VRK2: variants seen among roughly 807,000 people sequenced by gnomAD.
The protein encoded by VRK2 is VRK serine/threonine kinase 2.
Under a neutral mutation model 57.6 loss-of-function variants are expected in VRK2, and 60 were observed. The ratio of observed to expected loss-of-function variants is 1.04; its 90% CI spans 0.85 to 1.29. VRK2 has a LOEUF of 1.29. VRK2 is among the 50% of genes most tolerant of loss of function. The probability of loss-of-function intolerance (pLI) is 0.00; values close to 1 mark genes in which losing one functional copy is unlikely to be tolerated. For missense variants in VRK2, 705 were observed against 588.1 expected (o/e 1.20, Z -2.06); for synonymous variants, 231 against 199.2 (o/e 1.16, Z -1.35).
intron 2 of VRK2, among the ~76,000 whole-genome samples, chr2:58,032,808 G>C (rs1041757059): frequency 6.6e-6 from 1 of 152,082 alleles, no homozygotes; most frequent in Non-Finnish European, 1.5e-5. Context: ...GACATGCATA[G>C]TTGAGATTCT....
chr2:58,114,494 C>T (rs534429420), intron 7 of VRK2, among the ~76,000 whole-genome samples: 6 of 152,126 alleles, frequency 3.9e-5, no homozygotes, highest in African/African-American at 9.7e-5. Context: ...TAAAAAGGAG[C>T]GTCTATACAG....
At chr2:58,152,032 A>G (rs1054934854) in intron 12 of VRK2, among the ~76,000 whole-genome samples, 5 of 151,752 alleles carry the variant, frequency 3.3e-5, no homozygotes, top group Admixed American at 2.6e-4. Flanking sequence ...TAACAGAAAT[A>G]TAATGCAAGC....
intron 1 of VRK2, among the ~76,000 whole-genome samples, chr2:57,986,735 A>C (rs772499513): frequency 2.0e-4 from 31 of 151,488 alleles, no homozygotes; most frequent in Admixed American, 4.0e-4. Context: ...AGCAGCTGGG[A>C]TTACAGGTGC....
chr2:58,144,728 C>T (rs908426687), intron 11 of VRK2, among the ~76,000 whole-genome samples: 1 of 151,892 alleles, frequency 6.6e-6, no homozygotes, highest in African/African-American at 2.4e-5. Flanking sequence ...CATAAATTTT[C>T]CCAGTAGTTT....
At position 57,952,621 on chromosome 2, in the gene VRK2, C is replaced by T. The variant is rs182653577; in HGVS notation, c.-439+44782C>T. On this transcript the variant is annotated intron_variant, in intron 1 of 15. Coordinates refer to the VRK2 transcript ENST00000417641. ...ATTGTTCATAAAGCAAGGATACACA[C>T]ATAAAAGTGAATTAAAGTAACATTT... Among the ~76,000 whole-genome samples, 274 of 152,090 alleles carry T rather than the reference C, an allele frequency of 1.8e-3. 3 individuals carry two copies. Among genetic ancestry groups the T allele is most frequent in the African/African-American group, 6.2e-3 (257 of 41,478 alleles).
rs370020273 is a variant in VRK2 at position 58,092,629 on chromosome 2, T to C, written c.543+2906T>C. 3.2e-4 allele frequency among the ~76,000 whole-genome samples: 49 copies of C among 152,300 alleles called. No homozygotes were observed. The South Asian group carries it at 9.5e-3, about 30-fold the overall frequency. ...GTGACTGTACCATTAAACATTCCCA[T>C]CAGCAATGTGTGATATTTCATTTGC... On this transcript the variant is annotated intron_variant, in intron 7 of 12. Transcript: ENST00000340157.
At chr2:58,096,160 G>A (rs1673096273) in intron 7 of VRK2, among the ~76,000 whole-genome samples, 1 of 151,922 alleles carries the variant, frequency 6.6e-6, no homozygotes, top group Admixed American at 6.6e-5. Flanking sequence ...CATAATATTA[G>A]TGTAATGTTG....
chr2:58,152,548 A>G (rs1380207428), intron 12 of VRK2, among the ~76,000 whole-genome samples: 6 of 151,948 alleles, frequency 3.9e-5, no homozygotes, highest in African/African-American at 1.4e-4. Context: ...CAGTTACTGA[A>G]ATTCTTTATT....
At chr2:58,134,922 C>T (rs543691784) in intron 9 of VRK2, among the ~76,000 whole-genome samples, 1 of 152,114 alleles carries the variant, frequency 6.6e-6, no homozygotes, top group East Asian at 1.9e-4. Flanking sequence ...TCTGCCCCTA[C>T]GTTAGTCTAG....
chr2:57,949,114 C>G (rs1318712697), intron 1 of VRK2, among the ~76,000 whole-genome samples: 1 of 151,762 alleles, frequency 6.6e-6, no homozygotes, highest in African/African-American at 2.4e-5. Flanking sequence ...TTAAACTAGA[C>G]AATCAGCAAA....
downstream of VRK2, chr2:58,159,916 TG>T: frequency 6.5e-7 from 1 of 1,541,318 alleles, no homozygotes; most frequent in African/African-American, 1.4e-5. Flanking sequence ...AAAACACTTC[TG>T]AAGTTTCAGA....
At chr2:57,923,806 A>T (rs2459982) in intron 1 of VRK2, among the ~76,000 whole-genome samples, 3 of 151,764 alleles carry the variant, frequency 2.0e-5, no homozygotes, top group African/African-American at 7.3e-5. Flanking sequence ...TTTGCCCATT[A>T]CAATGTCTAG....
intron 11 of VRK2, among the ~76,000 whole-genome samples, chr2:58,144,008 CATATACACATATATATATACAT>C (rs1469459497): frequency 6.6e-6 from 1 of 150,462 alleles, no homozygotes. Flanking sequence ...TACATATATA[CATATACACATATATATATACAT>C]ATATACACAC....
chr2:58,076,745 T>C (rs1670170806), intron 2 of VRK2, among the ~76,000 whole-genome samples: 1 of 152,024 alleles, frequency 6.6e-6, no homozygotes, highest in African/African-American at 2.4e-5. Context: ...GGTTTTGCTC[T>C]CTTTCCAGTA....
At chr2:57,964,057 G>A (rs1671838176) in intron 1 of VRK2, among the ~76,000 whole-genome samples, 1 of 151,958 alleles carries the variant, frequency 6.6e-6, no homozygotes, top group Non-Finnish European at 1.5e-5. Context: ...ATATATGATT[G>A]AGCCTCAAAC....
At chr2:57,988,904 T>C (rs564924070) in intron 1 of VRK2, among the ~76,000 whole-genome samples, 1 of 152,318 alleles carries the variant, frequency 6.6e-6, no homozygotes, top group East Asian at 1.9e-4. Flanking sequence ...CCCTGATTAA[T>C]ACAAACCCCA....
chr2:58,158,261 C>A (rs1379189250), intron 12 of VRK2, among the ~76,000 whole-genome samples: 2 of 152,264 alleles, frequency 1.3e-5, no homozygotes, highest in Middle Eastern at 3.4e-3. Flanking sequence ...GTTAATAAAG[C>A]TGACAAACTT....
At chr2:57,971,445 C>T (rs1485189154) in intron 1 of VRK2, among the ~76,000 whole-genome samples, 1 of 151,906 alleles carries the variant, frequency 6.6e-6, no homozygotes, top group Non-Finnish European at 1.5e-5. Context: ...ATGATGGTAA[C>T]TCCCTTGAAA....
intron 1 of VRK2, among the ~76,000 whole-genome samples, chr2:57,969,016 T>G (rs1470032946): frequency 6.6e-6 from 1 of 152,126 alleles, no homozygotes; most frequent in African/African-American, 2.4e-5. Context: ...TTGCCAGGTT[T>G]CCCTTACCAT....
Sources: allele counts gnomAD v4.1 joint callset (sites outside exome capture counted in the v4.1 genomes callset), GRCh38; gene constraint gnomAD v4.1.1; transcripts MANE v1.5; gene names NCBI Gene and HGNC (gene_info 2026-07-23, HGNC 2026-07-21).